The following PCCB variants were observed in gnomAD, a reference collection of about 807,000 sequenced individuals.
PCCB encodes the protein propionyl-CoA carboxylase beta chain, mitochondrial.
PCCB carries 43 observed loss-of-function variants against 60.7 expected under a neutral mutation model. The ratio of observed to expected loss-of-function variants is 0.71; its 90% CI spans 0.55 to 0.91. The LOEUF (loss-of-function observed/expected upper bound fraction) is 0.91. Among genes scored for constraint, PCCB ranks in the 40% least tolerant of loss-of-function variants. The pLI, the probability that PCCB is intolerant of heterozygous loss-of-function variation, is 0.00. For missense variants in PCCB, 766 were observed against 702.8 expected (o/e 1.09, Z -1.02); for synonymous variants, 276 against 255.9 (o/e 1.08, Z -0.75).
intron 5 of PCCB, among the ~76,000 whole-genome samples, chr3:136,273,612 T>C (rs1942262398): frequency 7.0e-6 from 1 of 143,592 alleles, no homozygotes; most frequent in Non-Finnish European, 1.5e-5. Flanking sequence ...TTTTTTTTTT[T>C]TTTTTTTACT....
At chr3:136,254,412 G>A (rs1031626751) in intron 1 of PCCB, among the ~76,000 whole-genome samples, 2 of 149,268 alleles carry the variant, frequency 1.3e-5, no homozygotes, top group Non-Finnish European at 3.0e-5. Context: ...AGTAGAGATA[G>A]GGTTTCGCCG....
chr3:136,325,855 C>T (rs1028255558), intron 10 of PCCB, among the ~76,000 whole-genome samples: 1 of 152,038 alleles, frequency 6.6e-6, no homozygotes, highest in African/African-American at 2.4e-5. Context: ...GCTCTGTCAC[C>T]CGGGCTGGAG....
intron 9 of PCCB, among the ~76,000 whole-genome samples, chr3:136,311,565 C>G (rs1468003825): frequency 1.3e-5 from 2 of 152,020 alleles, no homozygotes; most frequent in African/African-American, 4.8e-5. Context: ...GTCTCGAACT[C>G]TTGGGCTCAA....
At chr3:136,329,838 C>G in intron 14 of PCCB, 67 bp from the exon 15 acceptor site, 1 of 1,580,084 alleles carries the variant, frequency 6.3e-7, no homozygotes, top group Non-Finnish European at 8.7e-7. Flanking sequence ...CCAGGCTGAG[C>G]AGAAGGTTGA....
At chr3:136,299,516 A>T (rs1359844141) in intron 8 of PCCB, among the ~76,000 whole-genome samples, 1 of 138,924 alleles carries the variant, frequency 7.2e-6, no homozygotes, top group East Asian at 1.9e-4. Context: ...ATAGGTATGC[A>T]TGTGTATGTA....
intron 6 of PCCB, among the ~76,000 whole-genome samples, chr3:136,284,972 C>T (rs534446635): frequency 6.6e-6 from 1 of 151,760 alleles, no homozygotes; most frequent in African/African-American, 2.4e-5. Context: ...CCTGTGGTCC[C>T]AGCTACTTGG....
intron 9 of PCCB, among the ~76,000 whole-genome samples, chr3:136,315,661 T>C (rs67389407): frequency 0.16 from 24,731 of 151,558 alleles, 3,269 homozygotes; most frequent in African/African-American, 0.37. Flanking sequence ...CAAGACCCTG[T>C]CTCTACAAAA....
At position 136,261,965 on chromosome 3, in the gene PCCB, C is replaced by G. The variant is rs1260255508; in HGVS notation, c.443C>G (p.Ala148Gly). The change falls in exon 5 of 15, where the codon GCC becomes GGC. Residue 148 changes from alanine (A) to glycine (G), a missense_variant. Transcript: ENST00000251654. ...AQKICKIMDQ[A>G]ITVGAPVIGL... Reference sequence around the variant, plus strand: ...CTGCTGTCTCAGATCATGGACCAGGCCATAACGGTGGGGGCTCCAGTGATT... The same window carrying G: ...CTGCTGTCTCAGATCATGGACCAGGGCATAACGGTGGGGGCTCCAGTGATT... 5 of 1,555,680 alleles carry G rather than the reference C, an allele frequency of 3.2e-6. No individual in the cohort carries two copies. The highest frequency in any genetic ancestry group is 4.4e-6 in the Non-Finnish European group (5 of 1,147,494).
At chr3:136,267,596 T>G (rs9872178) in intron 5 of PCCB, among the ~76,000 whole-genome samples, 28,399 of 152,102 alleles carry the variant, frequency 0.19, 3,076 homozygotes, top group Non-Finnish European at 0.24. Context: ...GCAGTCCTCC[T>G]GCCTCATCCT....
intron 10 of PCCB, among the ~76,000 whole-genome samples, chr3:136,319,011 C>T (rs1371277090): frequency 1.3e-5 from 2 of 152,178 alleles, no homozygotes; most frequent in Non-Finnish European, 1.5e-5. Context: ...ACAGTGTCTG[C>T]ACTATTTTAC....
At position 136,250,409 on chromosome 3, in the gene PCCB, G is replaced by T; in HGVS notation, c.34G>T (p.Ala12Ser). Residue 12 changes from alanine to serine, a missense_variant, in exon 1 of 15, where the codon GCA becomes TCA. Ala to Ser is a moderately conservative substitution (Grantham distance 99). Coordinates refer to ENST00000251654, the MANE Select transcript of PCCB (RefSeq NM_000532.5). ...AAALRVAAVG[A>S]RLSVLASGLR... ...GGCATTACGGGTGGCGGCGGTCGGG[G>T]CAAGGCTCAGCGTTCTGGCGAGCGG... 1 of 1,573,390 alleles carries T rather than the reference G, an allele frequency of 6.4e-7. No homozygotes were observed. The highest frequency in any genetic ancestry group is 8.6e-7 in the Non-Finnish European group (1 of 1,159,098).
At chr3:136,324,107 CT>C (rs1332717057) in intron 10 of PCCB, among the ~76,000 whole-genome samples, 2 of 150,986 alleles carry the variant, frequency 1.3e-5, no homozygotes, top group African/African-American at 4.9e-5. Context: ...CCTGTTTCTT[CT>C]TATTGTTTCT....
At chr3:136,273,578 C>CTTTTTTTTTTTTTTTTTTGT (rs56936911) in intron 5 of PCCB, among the ~76,000 whole-genome samples, 1 of 59,204 alleles carries the variant, frequency 1.7e-5, no homozygotes, top group Non-Finnish European at 3.8e-5. Flanking sequence ...CTTTTTCTTT[C>CTTTTTTTTTTTTTTTTTTGT]TTTTTTTTTT....
rs370726053 is a variant in PCCB at position 136,256,638 on chromosome 3, C to T, written c.372+15C>T. 173 of 1,576,090 alleles carry T rather than the reference C, an allele frequency of 1.1e-4. 1 individual carries two copies. The South Asian group carries it at 1.2e-3, about 11-fold the overall frequency. On this transcript the variant is annotated intron_variant, in intron 3 of 14. Coordinates refer to ENST00000251654, the MANE Select transcript of PCCB (RefSeq NM_000532.5). ...TCTTCAGTCAGGTATTTCATAACTC[C>T]AATAGTCTGAACTTTTCTTGGAGGG...
intron 5 of PCCB, among the ~76,000 whole-genome samples, chr3:136,276,074 A>G (rs950369672): frequency 6.6e-6 from 1 of 152,182 alleles, no homozygotes; most frequent in African/African-American, 2.4e-5. Flanking sequence ...CCTGGCCTGT[A>G]TTTAATAGAT....
chr3:136,283,304 C>T (rs961990855), intron 5 of PCCB, among the ~76,000 whole-genome samples: 1 of 152,148 alleles, frequency 6.6e-6, no homozygotes, highest in Non-Finnish European at 1.5e-5. Flanking sequence ...CTTCTACCGC[C>T]TTCTCTCCTG....
intron 6 of PCCB, among the ~76,000 whole-genome samples, chr3:136,286,839 T>C (rs1246211871): frequency 6.6e-6 from 1 of 151,978 alleles, no homozygotes; most frequent in Non-Finnish European, 1.5e-5. Context: ...GAGACCAGCA[T>C]GGCCAACATG....
intron 5 of PCCB, among the ~76,000 whole-genome samples, chr3:136,273,597 C>CTTTTTTTTTTTTTTTTTTTTTTCTTTTTT: frequency 2.2e-5 from 1 of 45,222 alleles, no homozygotes; most frequent in African/African-American, 8.9e-5. Flanking sequence ...TTTCTTTTTT[C>CTTTTTTTTTTTTTTTTTTTTTTCTTTTTT]TTTTTTTTTT....
rs370526579 is a variant in PCCB, at chr3:136,305,481, G to GCT, written c.966+4372_966+4373dup. Among the ~76,000 whole-genome samples the GCT allele has an allele frequency of 8.3e-5, 10 of 120,882 alleles. 1 individual carries two copies. The highest frequency in any genetic ancestry group is 2.0e-4 in the Admixed American group (2 of 9,990). The allele number at this position is 120,882 out of a possible 152,430, so 79.3% of individuals were successfully genotyped here. On this transcript the variant is annotated intron_variant, in intron 9 of 14. Transcript: ENST00000251654. Reference sequence around the variant, plus strand: ...AAACTTCTTCTGGCCGGGCGTGGTGGCTCATGCCTGTAATTCCAGCACTTT... The same window carrying GCT: ...AAACTTCTTCTGGCCGGGCGTGGTGGCTCTCATGCCTGTAATTCCAGCACTTT...
Sources: allele counts gnomAD v4.1 joint callset (sites outside exome capture counted in the v4.1 genomes callset), GRCh38; gene constraint gnomAD v4.1.1; transcripts MANE v1.5; gene names NCBI Gene and HGNC (gene_info 2026-07-23, HGNC 2026-07-21).